ANKRD6: variants seen among roughly 807,000 people sequenced by gnomAD.
The protein encoded by ANKRD6 is ankyrin repeat domain-containing protein 6.
Under a neutral mutation model 82.3 loss-of-function variants are expected in ANKRD6, and 56 were observed. The observed-to-expected ratio is 0.68, with a 90% CI of 0.55 to 0.85. The LOEUF (loss-of-function observed/expected upper bound fraction) is 0.85, where lower values mean the gene tolerates loss of function less well. Ranked by LOEUF, ANKRD6 falls within the 40% of genes least tolerant of loss-of-function variation. ANKRD6 has a pLI of 0.00. For synonymous variants in ANKRD6, 347 were observed against 352.1 expected (o/e 0.99, Z 0.16); for missense variants, 852 against 907.6 (o/e 0.94, Z 0.79).
At chr6:89,568,931 A>T (rs1193173468) in intron 2 of ANKRD6, among the ~76,000 whole-genome samples, 1 of 137,312 alleles carries the variant, frequency 7.3e-6, no homozygotes, top group Non-Finnish European at 1.6e-5. Flanking sequence ...ATATATATAT[A>T]ATTTTTTTTT....
At chr6:89,557,619 G>T (rs1445687456) in intron 1 of ANKRD6, among the ~76,000 whole-genome samples, 2 of 152,162 alleles carry the variant, frequency 1.3e-5, no homozygotes, top group Non-Finnish European at 2.9e-5. Context: ...TAGAACAGGG[G>T]TCCCTAACCC....
At chr6:89,534,666 C>G (rs1220187743) in intron 1 of ANKRD6, among the ~76,000 whole-genome samples, 1 of 152,172 alleles carries the variant, frequency 6.6e-6, no homozygotes, top group Non-Finnish European at 1.5e-5. Context: ...CAGGGACTTT[C>G]CAGGTGCAGG....
chr6:89,443,231 CT>C (rs1032187427), intron 1 of ANKRD6, among the ~76,000 whole-genome samples: 6 of 152,150 alleles, frequency 3.9e-5, no homozygotes, highest in African/African-American at 1.2e-4. Context: ...TCCCCCACCC[CT>C]GCCTATTTTT....
intron 5 of ANKRD6, among the ~76,000 whole-genome samples, chr6:89,610,433 C>T (rs910433017): frequency 2.6e-5 from 4 of 152,128 alleles, no homozygotes; most frequent in Non-Finnish European, 5.9e-5. Context: ...GAATGGTTCA[C>T]GCCTCTTTAT....
At chr6:89,516,019 A>T (rs73752765) in intron 1 of ANKRD6, among the ~76,000 whole-genome samples, 3 of 152,374 alleles carry the variant, frequency 2.0e-5, no homozygotes, top group African/African-American at 7.2e-5. Context: ...TGAAGGGAGT[A>T]CAGCACTGCC....
chr6:89,496,828 G>A (rs74841806), intron 1 of ANKRD6, among the ~76,000 whole-genome samples: 8,830 of 152,198 alleles, frequency 0.058, 285 homozygotes, highest in South Asian at 0.13. Context: ...CTTTTATTAT[G>A]TTTCAGAATT....
At position 89,433,209 on chromosome 6, in the gene ANKRD6, G is replaced by C. The variant is rs1258265829; in HGVS notation, c.-310G>C. 1 of 151,600 alleles carries C rather than the reference G, an allele frequency of 6.6e-6. No individual in the cohort carries two copies. The highest frequency in any genetic ancestry group is 1.5e-5 in the Non-Finnish European group (1 of 67,938). 9.4% of individuals were successfully genotyped at this position (151,600 alleles called of 1,614,324 possible). A position where few individuals can be genotyped will look rare whatever the true frequency, so the allele number is the denominator to read the frequency against. On this transcript the variant is annotated 5_prime_UTR_variant, in exon 1 of 16. Transcript: ENST00000339746. This position sits in a 1 kb window ranked among gnomAD's most constrained non-coding sequence, Gnocchi z 4.3. ...CGGCCACAGGTAACCCGCAGGAGCCGAGAGCGCTGCCTGGCGCGCGGGCGG... is the reference window on the plus strand; with the variant it reads ...CGGCCACAGGTAACCCGCAGGAGCCCAGAGCGCTGCCTGGCGCGCGGGCGG...
intron 5 of ANKRD6, among the ~76,000 whole-genome samples, chr6:89,611,886 G>A (rs914530404): frequency 6.6e-6 from 1 of 152,226 alleles, no homozygotes; most frequent in African/African-American, 2.4e-5. Flanking sequence ...TAGGAATTGA[G>A]TACTGTGCAT....
chr6:89,516,879 G>GT (rs1781293087), intron 1 of ANKRD6, among the ~76,000 whole-genome samples: 1 of 151,948 alleles, frequency 6.6e-6, no homozygotes, highest in South Asian at 2.1e-4. Context: ...TTTTTGGTTT[G>GT]TTTTTTGGAG....
intron 1 of ANKRD6, among the ~76,000 whole-genome samples, chr6:89,547,483 T>C (rs1583213095): frequency 6.6e-6 from 1 of 151,990 alleles, no homozygotes; most frequent in South Asian, 2.1e-4. Context: ...CCTCCGGGGG[T>C]GTCACCTGCC....
chr6:89,629,547 G>A, intron 15 of ANKRD6: 1 of 384,030 alleles, frequency 2.6e-6, no homozygotes, highest in South Asian at 2.2e-5. Context: ...GAGAGGTGAT[G>A]AAGATCCATC....
At chr6:89,521,963 C>G (rs919302222) in intron 1 of ANKRD6, among the ~76,000 whole-genome samples, 1 of 152,078 alleles carries the variant, frequency 6.6e-6, no homozygotes, top group African/African-American at 2.4e-5. Flanking sequence ...ATTTTATAAC[C>G]TATACTTTGA....
chr6:89,569,340 C>T (rs1385235342), intron 2 of ANKRD6, among the ~76,000 whole-genome samples: 1 of 152,188 alleles, frequency 6.6e-6, no homozygotes, highest in African/African-American at 2.4e-5. Context: ...TAAATAGAAT[C>T]ATATGGTATG....
intron 1 of ANKRD6, among the ~76,000 whole-genome samples, chr6:89,480,826 C>T (rs1337444614): frequency 1.4e-5 from 2 of 145,730 alleles, no homozygotes; most frequent in African/African-American, 5.1e-5. Flanking sequence ...CCTGTAGTTT[C>T]AGCTACTTGA....
chr6:89,445,155 G>A (rs1451717739), intron 1 of ANKRD6, among the ~76,000 whole-genome samples: 2 of 151,258 alleles, frequency 1.3e-5, no homozygotes, highest in East Asian at 3.9e-4. Flanking sequence ...CCAACAACAT[G>A]TGCTCTCTCT....
intron 1 of ANKRD6, among the ~76,000 whole-genome samples, chr6:89,541,115 T>C (rs376124952): frequency 4.6e-5 from 7 of 152,240 alleles, no homozygotes; most frequent in Admixed American, 3.3e-4. Context: ...TCTGGGTCTT[T>C]TGTGGTTCCG....
intron 9 of ANKRD6, among the ~76,000 whole-genome samples, chr6:89,618,811 AT>A (rs1377185930): frequency 1.3e-5 from 2 of 152,204 alleles, no homozygotes; most frequent in African/African-American, 4.8e-5. Context: ...TAATGGAGGC[AT>A]AATATTATTT....
At chr6:89,500,816 C>A (rs752601358) in intron 1 of ANKRD6, among the ~76,000 whole-genome samples, 1 of 152,004 alleles carries the variant, frequency 6.6e-6, no homozygotes, top group South Asian at 2.1e-4. Context: ...GGACTGTGGG[C>A]CGTAGTTTTA....
intron 1 of ANKRD6, among the ~76,000 whole-genome samples, chr6:89,528,678 A>G (rs1418177751): frequency 1.3e-5 from 2 of 152,248 alleles, no homozygotes; most frequent in African/African-American, 2.4e-5. Flanking sequence ...CCCCAGATCC[A>G]TCAGAGCAGT....
Sources: gnomAD v4.1 joint callset for allele counts (sites outside exome capture counted in the v4.1 genomes callset) on GRCh38, gnomAD v4.1.1 for gene constraint, Gnocchi (gnomAD v3.1) non-coding constraint, MANE v1.5 for transcripts, NCBI Gene and HGNC (gene_info 2026-07-23, HGNC 2026-07-21) for gene names.